Variants in ARIH1 observed in about 807,000 individuals in gnomAD.
The protein encoded by ARIH1 is E3 ubiquitin-protein ligase ARIH1.
A neutral mutation model predicts 85.0 loss-of-function variants in ARIH1; 8 were observed. The observed-to-expected ratio is 0.09, with a 90% CI of 0.06 to 0.17. The LOEUF is 0.17. ARIH1 is among the 10% of genes least tolerant of loss of function. The probability of loss-of-function intolerance (pLI) is 1.00; values close to 1 mark genes in which losing one functional copy is unlikely to be tolerated. For synonymous variants in ARIH1, 238 were observed against 253.6 expected (o/e 0.94, Z 0.59); for missense variants, 311 against 718.1 (o/e 0.43, Z 6.48).
intron 7 of ARIH1, 104 bp downstream of exon 7, chr15:72,563,604 A>G: frequency 1.1e-6 from 1 of 929,446 alleles, no homozygotes; most frequent in Non-Finnish European, 1.7e-6. Context: ...TACCTTAGGC[A>G]GGGAGATGTT....
chr15:72,546,927 T>C (rs2064131630), intron 3 of ARIH1, among the ~76,000 whole-genome samples: 1 of 50,628 alleles, frequency 2.0e-5, no homozygotes, highest in South Asian at 1.1e-3. Flanking sequence ...CTTTTCTTTT[T>C]TTTTGGAGGG....
At chr15:72,514,683 G>A (rs915905415) in intron 1 of ARIH1, among the ~76,000 whole-genome samples, 1 of 149,772 alleles carries the variant, frequency 6.7e-6, no homozygotes, top group Non-Finnish European at 1.5e-5. Flanking sequence ...CATCCTGGAC[G>A]ACAAAGCAAG....
In ARIH1 at chr15:72,589,755, A is replaced by G. The variant is rs1221934263; in HGVS notation, c.*6463A>G. ...TTTAATTTTTTAAATACATGTAATG[A>G]ATTGGTATATGGTAGATACTCGTGG... On this transcript the variant is annotated 3_prime_UTR_variant, in exon 14 of 14. Transcript: ENST00000379887. 6.6e-6 allele frequency: 1 copy of G among 152,218 alleles called. No homozygotes were observed. Among genetic ancestry groups the G allele is most frequent in the Non-Finnish European group, 1.5e-5 (1 of 68,040 alleles). The allele number at this position is 152,218 out of a possible 1,614,324, so 9.4% of individuals were successfully genotyped here.
At chr15:72,504,434 C>A (rs894895229) in intron 1 of ARIH1, among the ~76,000 whole-genome samples, 1 of 151,990 alleles carries the variant, frequency 6.6e-6, no homozygotes, top group South Asian at 2.1e-4. Flanking sequence ...TCCTGCCAGA[C>A]GCTTGAAGGA....
At chr15:72,581,077 G>C (rs2064293327) in intron 12 of ARIH1, 86 bp downstream of exon 12, 4 of 1,420,442 alleles carry the variant, frequency 2.8e-6, no homozygotes, top group South Asian at 1.4e-5. Context: ...GAGTTTTCAG[G>C]GTTCTTGTTT....
rs1385146876 is a variant in ARIH1 at position 72,597,063 on chromosome 15, T to A, written c.*13771T>A. On this transcript the variant is annotated 3_prime_UTR_variant, in exon 14 of 14. Transcript: ENST00000379887. ...CTCCCTTACCATGAATCTTATTTTC[T>A]TGCTTTTGCACGTCTTGTATATTTG... 1.3e-5 allele frequency: 2 copies of A among 152,166 alleles called. No individual in the cohort carries two copies. Among genetic ancestry groups the A allele is most frequent in the Non-Finnish European group, 2.9e-5 (2 of 68,018 alleles). 9.4% of individuals were successfully genotyped at this position (152,166 alleles called of 1,614,324 possible). A position where few individuals can be genotyped will look rare whatever the true frequency, so the allele number is the denominator to read the frequency against.
chr15:72,510,918 C>T (rs2063948179), intron 1 of ARIH1, among the ~76,000 whole-genome samples: 1 of 151,790 alleles, frequency 6.6e-6, no homozygotes, highest in African/African-American at 2.4e-5. Flanking sequence ...GTTTTGAAAT[C>T]AGGTGTTCTG....
Position 72,578,631 on chromosome 15 carries a change from A to C in ARIH1, c.1216-2100A>C, listed in dbSNP as rs1473599250. Reference sequence around the variant, plus strand: ...GCAAGTGTTTTCAAATTGTTGGCAAACCTCCAAAAAATATTTCAATATATT... The same window carrying C: ...GCAAGTGTTTTCAAATTGTTGGCAACCCTCCAAAAAATATTTCAATATATT... On this transcript the variant is annotated intron_variant, in intron 11 of 13. Coordinates refer to ENST00000379887, the MANE Select transcript of ARIH1 (RefSeq NM_005744.5). Among the ~76,000 whole-genome samples, 3 of 150,006 alleles carry C rather than the reference A, an allele frequency of 2.0e-5. No homozygotes were observed. In the Admixed American group the frequency reaches 2.0e-4, roughly 10 times the overall value.
chr15:72,544,681 T>G (rs2064121579), intron 2 of ARIH1, 139 bp from the exon 3 acceptor site: 1 of 750,516 alleles, frequency 1.3e-6, no homozygotes. Flanking sequence ...TAGCTTTTAT[T>G]TCCTCTGAAT....
rs532738622 is a variant in ARIH1 at position 72,589,345 on chromosome 15, C to T, written c.*6053C>T. 4.6e-5 allele frequency: 7 copies of T among 152,246 alleles called. No homozygotes were observed. The highest frequency in any genetic ancestry group is 1.7e-4 in the African/African-American group (7 of 41,542). The allele number at this position is 152,246 out of a possible 1,614,324, so 9.4% of individuals were successfully genotyped here. The stretch of plus-strand genomic sequence containing the variant: ...ATCAAAGAACATGTGAAAACAAAAC[C>T]TAGTTACAATAATAAGCACACCAGT... On this transcript the variant is annotated 3_prime_UTR_variant, in exon 14 of 14. Coordinates refer to ENST00000379887, the MANE Select transcript of ARIH1 (RefSeq NM_005744.5).
chr15:72,567,295 G>T, intron 9 of ARIH1, 118 bp downstream of exon 9: 3 of 705,532 alleles, frequency 4.3e-6, no homozygotes, highest in South Asian at 4.0e-5. Flanking sequence ...TTTCTCCATT[G>T]AGTCTTTTTT....
intron 3 of ARIH1, among the ~76,000 whole-genome samples, chr15:72,552,568 G>A (rs533608347): frequency 6.6e-6 from 1 of 152,154 alleles, no homozygotes; most frequent in African/African-American, 2.4e-5. Flanking sequence ...GGGCTTACAG[G>A]CGTGAGCCAC....
chr15:72,495,531 AAT>A (rs2063876557), intron 1 of ARIH1, among the ~76,000 whole-genome samples: 2 of 152,218 alleles, frequency 1.3e-5, no homozygotes. Flanking sequence ...AGAATATACA[AAT>A]GGTTAGATCT....
chr15:72,486,538 G>T (rs763969710), intron 1 of ARIH1, among the ~76,000 whole-genome samples: 1 of 152,098 alleles, frequency 6.6e-6, no homozygotes, highest in Non-Finnish European at 1.5e-5. Context: ...ATTTGATACA[G>T]CTTGGGGTAT....
At chr15:72,483,223 T>G (rs1227321769) in intron 1 of ARIH1, among the ~76,000 whole-genome samples, 2 of 152,278 alleles carry the variant, frequency 1.3e-5, no homozygotes, top group African/African-American at 2.4e-5. Flanking sequence ...CTCATTTGGC[T>G]GTGACCAGGC....
At position 72,579,638 on chromosome 15, in the gene ARIH1, CTTAAA is replaced by C. The variant is rs1336807692; in HGVS notation, c.1216-1090_1216-1086del. ...CGATGAGGAACTGAATTTTTAGTTT[CTTAAA>C]TTGAATTTTAAGTAGTCAGGTGTGG... On this transcript the variant is annotated intron_variant, in intron 11 of 13. Transcript: ENST00000379887. Among the ~76,000 whole-genome samples, 9 of 152,216 alleles carry C rather than the reference CTTAAA, an allele frequency of 5.9e-5. No homozygotes were observed. The South Asian group carries it at 1.9e-3, about 32-fold the overall frequency.
At chr15:72,484,733 ATATG>A (rs2063830627) in intron 1 of ARIH1, among the ~76,000 whole-genome samples, 1 of 148,890 alleles carries the variant, frequency 6.7e-6, no homozygotes, top group Middle Eastern at 3.6e-3. Flanking sequence ...GTGTGTGTAT[ATATG>A]TATATATATA....
chr15:72,518,182 C>A, intron 2 of ARIH1, 48 bp downstream of exon 2: 1 of 1,462,286 alleles, frequency 6.8e-7, no homozygotes. Context: ...ACACAGAAAG[C>A]CTATTGAACC....
chr15:72,520,660 T>C (rs2063995551), intron 2 of ARIH1, among the ~76,000 whole-genome samples: 1 of 152,206 alleles, frequency 6.6e-6, no homozygotes, highest in South Asian at 2.1e-4. Flanking sequence ...ATATGTATTC[T>C]ATTTCAGTTT....
Sources: allele counts gnomAD v4.1 joint callset (sites outside exome capture counted in the v4.1 genomes callset), GRCh38; gene constraint gnomAD v4.1.1; transcripts MANE v1.5; gene names NCBI Gene and HGNC (gene_info 2026-07-23, HGNC 2026-07-21).